NRG3: variants seen among roughly 807,000 people sequenced by gnomAD.
NRG3 encodes neuregulin 3.
In NRG3, 31 loss-of-function variants were observed where a neutral mutation model predicts 66.9. That is an observed-to-expected ratio of 0.46 (90% confidence interval 0.35 to 0.63). The LOEUF is 0.63. Among genes scored for constraint, NRG3 ranks in the 20% least tolerant of loss-of-function variants. The pLI, the probability that NRG3 is intolerant of heterozygous loss-of-function variation, is 0.00. For synonymous variants in NRG3, 393 were observed against 359.4 expected (o/e 1.09, Z -1.06); for missense variants, 910 against 878.9 (o/e 1.04, Z -0.45).
intron 2 of NRG3, among the ~76,000 whole-genome samples, chr10:82,484,455 C>T (rs1409176849): frequency 6.6e-6 from 1 of 152,124 alleles, no homozygotes; most frequent in East Asian, 1.9e-4. Context: ...CTGTGCCTGG[C>T]ACAAGTCAAC....
At chr10:82,764,612 C>A (rs2059449009) in intron 3 of NRG3, among the ~76,000 whole-genome samples, 1 of 151,828 alleles carries the variant, frequency 6.6e-6, no homozygotes, top group Admixed American at 6.6e-5. Context: ...ATCCGCCCAC[C>A]TCAGCCTCCC....
chr10:82,865,261 A>G (rs575062813), intron 3 of NRG3, 150 bp from the exon 4 acceptor site: 65 of 666,242 alleles, frequency 9.8e-5, no homozygotes, highest in East Asian at 9.5e-4. Context: ...TCTGTAATGT[A>G]TCTTTTCTAA....
chr10:82,281,857 A>T (rs1316663367), intron 1 of NRG3, among the ~76,000 whole-genome samples: 2 of 152,124 alleles, frequency 1.3e-5, no homozygotes, highest in East Asian at 3.9e-4. Context: ...TCAGTTTTTA[A>T]TTCATTTTTA....
intron 1 of NRG3, among the ~76,000 whole-genome samples, chr10:82,216,172 G>T (rs1273405464): frequency 6.6e-6 from 1 of 151,422 alleles, no homozygotes; most frequent in African/African-American, 2.4e-5. Flanking sequence ...GCAGAGACAG[G>T]GTTTCACCAT....
At chr10:81,973,196 T>TAGTG (rs2059994558) in intron 1 of NRG3, among the ~76,000 whole-genome samples, 1 of 152,170 alleles carries the variant, frequency 6.6e-6, no homozygotes, top group Non-Finnish European at 1.5e-5. Flanking sequence ...TTGCTAAAGA[T>TAGTG]AGTGGCCTCC....
chr10:82,964,039 C>T (rs184898876), intron 6 of NRG3, among the ~76,000 whole-genome samples: 121 of 152,210 alleles, frequency 7.9e-4, no homozygotes, highest in African/African-American at 2.8e-3. Flanking sequence ...CTAGCCTAAA[C>T]GCTGATTTAT....
chr10:82,056,478 A>C (rs1204791393), intron 1 of NRG3, among the ~76,000 whole-genome samples: 2 of 152,208 alleles, frequency 1.3e-5, no homozygotes, highest in Non-Finnish European at 2.9e-5. Context: ...GCTAAAGATG[A>C]TTGCAGAATA....
At chr10:82,842,875 CACACCTGGCTAAA>C (rs1276870001) in intron 3 of NRG3, among the ~76,000 whole-genome samples, 1 of 152,112 alleles carries the variant, frequency 6.6e-6, no homozygotes, top group East Asian at 1.9e-4. Context: ...CGCAAGCCAC[CACACCTGGCTAAA>C]ACTATATTTT....
chr10:82,763,979 A>G (rs2059420463), intron 3 of NRG3, among the ~76,000 whole-genome samples: 1 of 152,162 alleles, frequency 6.6e-6, no homozygotes, highest in Non-Finnish European at 1.5e-5. Flanking sequence ...TACTCTTTTA[A>G]TGTGGATAGT....
intron 1 of NRG3, among the ~76,000 whole-genome samples, chr10:82,214,390 C>T (rs954077942): frequency 2.6e-5 from 4 of 152,066 alleles, no homozygotes; most frequent in Non-Finnish European, 5.9e-5. Context: ...CCAGTCTGTC[C>T]TACAGTAGTG....
At chr10:82,261,810 GTGGGCCAGGTGTT>G (rs1348275346) in intron 1 of NRG3, among the ~76,000 whole-genome samples, 1 of 152,172 alleles carries the variant, frequency 6.6e-6, no homozygotes, top group Non-Finnish European at 1.5e-5. Context: ...TCCGCCCTGG[GTGGGCCAGGTGTT>G]CCTTGCCCTC....
At chr10:82,581,037 A>G (rs1295583038) in intron 2 of NRG3, among the ~76,000 whole-genome samples, 1 of 151,864 alleles carries the variant, frequency 6.6e-6, no homozygotes, top group Non-Finnish European at 1.5e-5. Flanking sequence ...CTGTCTCTCA[A>G]AGTGGTTGTA....
chr10:82,700,556 G>A (rs1248807213), intron 2 of NRG3, among the ~76,000 whole-genome samples: 1 of 152,102 alleles, frequency 6.6e-6, no homozygotes, highest in African/African-American at 2.4e-5. Context: ...TATAAATGTT[G>A]GTATTACAAT....
At chr10:82,962,672 C>G (rs1262126933) in intron 6 of NRG3, among the ~76,000 whole-genome samples, 1 of 152,058 alleles carries the variant, frequency 6.6e-6, no homozygotes, top group Admixed American at 6.5e-5. Flanking sequence ...AACCCCATCT[C>G]TACTGAAAAT....
chr10:82,642,912 T>G (rs894733597), intron 2 of NRG3, among the ~76,000 whole-genome samples: 1 of 151,866 alleles, frequency 6.6e-6, no homozygotes, highest in African/African-American at 2.4e-5. Context: ...ATATATATAT[T>G]TAAAAGGATA....
chr10:82,210,374 AGGC>A (rs1247255455), intron 1 of NRG3, among the ~76,000 whole-genome samples: 1 of 152,162 alleles, frequency 6.6e-6, no homozygotes, highest in Non-Finnish European at 1.5e-5. Context: ...TCCAGCTAGA[AGGC>A]GGCTATGTGA....
intron 3 of NRG3, among the ~76,000 whole-genome samples, chr10:82,808,859 A>C (rs1410985450): frequency 1.3e-5 from 2 of 152,192 alleles, no homozygotes; most frequent in Non-Finnish European, 2.9e-5. Flanking sequence ...TAAACACTAA[A>C]ATTACGTGAA....
At chr10:82,251,350 G>T (rs1461672532) in intron 1 of NRG3, among the ~76,000 whole-genome samples, 1 of 152,056 alleles carries the variant, frequency 6.6e-6, no homozygotes, top group African/African-American at 2.4e-5. Context: ...TCCTAAGAAG[G>T]ATCTTATCCT....
intron 1 of NRG3, among the ~76,000 whole-genome samples, chr10:82,002,553 A>G (rs372745382): frequency 1.3e-5 from 2 of 152,176 alleles, no homozygotes; most frequent in African/African-American, 4.8e-5. Flanking sequence ...ATAAACTTCT[A>G]GTTTGTTCTG....
Sources: gnomAD v4.1 joint callset for allele counts (sites outside exome capture counted in the v4.1 genomes callset) on GRCh38, gnomAD v4.1.1 for gene constraint, MANE v1.5 for transcripts, NCBI Gene and HGNC (gene_info 2026-07-23, HGNC 2026-07-21) for gene names.